Variants in PUS7 observed in about 807,000 individuals in gnomAD.
PUS7 encodes pseudouridine synthase 7.
A neutral mutation model predicts 79.8 loss-of-function variants in PUS7; 48 were observed. The observed-to-expected ratio is 0.60, with a 90% CI of 0.48 to 0.76. PUS7 has a LOEUF of 0.76. PUS7 is among the 30% of genes least tolerant of loss of function. PUS7 has a pLI of 0.00. For synonymous variants in PUS7, 286 were observed against 272.2 expected, an observed-to-expected ratio of 1.05 and a Z score of -0.50; for missense variants, 729 against 797.6, an observed-to-expected ratio of 0.91 and a Z score of 1.04.
intron 5 of PUS7, among the ~76,000 whole-genome samples, chr7:105,497,296 G>C (rs928695104): frequency 2.0e-5 from 3 of 152,150 alleles, no homozygotes; most frequent in South Asian, 4.1e-4. Context: ...GATAGTAAAT[G>C]CTTCCCCAAA....
intron 7 of PUS7, among the ~76,000 whole-genome samples, chr7:105,490,703 A>G (rs1824745969): frequency 6.6e-6 from 1 of 152,156 alleles, no homozygotes. Flanking sequence ...TATGCTTTCC[A>G]ACGTCTTTTC....
rs62486663 is a variant in PUS7, at chr7:105,488,860, C to T, written c.920+2680G>A. Among the ~76,000 whole-genome samples the T allele has an allele frequency of 3.1e-3, 476 of 152,088 alleles. 1 individual carries two copies. The highest frequency in any genetic ancestry group is 5.3e-3 in the Non-Finnish European group (363 of 67,964). ...TACCTAGTTCTTTCTGTGTTGAAAA[C>T]AAAATAGGCAGAGCCCAGTGGCTCA... On this transcript the variant is annotated intron_variant, in intron 7 of 15. Transcript: ENST00000469408.
intron 4 of PUS7, among the ~76,000 whole-genome samples, chr7:105,505,346 T>C (rs1028068207): frequency 1.1e-4 from 17 of 152,186 alleles, no homozygotes; most frequent in Non-Finnish European, 2.1e-4. Flanking sequence ...ACTTAGTAGC[T>C]GAGCTCTCCT....
Position 105,495,182 on chromosome 7 carries a change from C to T in PUS7, c.802G>A (p.Asp268Asn). The T allele has an allele frequency of 3.1e-6, 5 of 1,612,356 alleles. No individual in the cohort carries two copies. The highest frequency in any genetic ancestry group is 4.2e-6 in the Non-Finnish European group (5 of 1,179,012). ...AGTACATTAATAGCATCCATGGTGT[C>T]TTTGTTTTCCTTATATAGTACGAAG... ...CHFVLYKENK[D>N]TMDAINVLSK... The change falls in exon 6 of 16, where the codon GAC becomes AAC. Residue 268 changes from aspartate (D) to asparagine (N), a missense_variant. Asp to Asn is a conservative substitution (Grantham distance 23, BLOSUM62 1). Coordinates refer to ENST00000469408, the MANE Select transcript of PUS7 (RefSeq NM_019042.5).
intron 1 of PUS7, among the ~76,000 whole-genome samples, chr7:105,515,957 G>A (rs898462745): frequency 1.1e-4 from 17 of 151,884 alleles, no homozygotes; most frequent in Non-Finnish European, 1.5e-4. Context: ...TTACAGGCGC[G>A]TGCCACCAAG....
intron 10 of PUS7, 65 bp from the exon 11 acceptor site, chr7:105,470,913 A>G: frequency 6.9e-7 from 1 of 1,455,422 alleles, no homozygotes; most frequent in South Asian, 1.5e-5. Flanking sequence ...AACTTAAAGT[A>G]CACTTCACAG....
chr7:105,510,320 T>A (rs1002842333), intron 1 of PUS7, among the ~76,000 whole-genome samples: 6 of 151,316 alleles, frequency 4.0e-5, no homozygotes, highest in Admixed American at 3.3e-4. Context: ...AATAAATAAA[T>A]AAAATAAAAT....
intron 12 of PUS7, among the ~76,000 whole-genome samples, chr7:105,466,747 A>G (rs1444449547): frequency 2.0e-5 from 3 of 149,896 alleles, no homozygotes; most frequent in Admixed American, 6.7e-5. Context: ...TTTGCTGGGA[A>G]AAAAAAAAAA....
At chr7:105,513,106 G>A (rs1179376199) in intron 1 of PUS7, among the ~76,000 whole-genome samples, 1 of 152,180 alleles carries the variant, frequency 6.6e-6, no homozygotes, top group African/African-American at 2.4e-5. Flanking sequence ...AGACATCCCA[G>A]TGGAGACGAT....
At chr7:105,493,214 C>T (rs1033619820) in intron 6 of PUS7, among the ~76,000 whole-genome samples, 2 of 152,084 alleles carry the variant, frequency 1.3e-5, no homozygotes, top group South Asian at 4.1e-4. Context: ...TGAAAAAAGC[C>T]AAATGAAATG....
intron 7 of PUS7, among the ~76,000 whole-genome samples, chr7:105,484,935 T>G (rs1256408615): frequency 6.9e-6 from 1 of 144,454 alleles, no homozygotes; most frequent in Admixed American, 7.0e-5. Flanking sequence ...TGATCTCAGC[T>G]CACTGCCACC....
At chr7:105,480,638 T>G (rs1454617417) in intron 9 of PUS7, among the ~76,000 whole-genome samples, 1 of 151,816 alleles carries the variant, frequency 6.6e-6, no homozygotes, top group Non-Finnish European at 1.5e-5. Context: ...TAGCCAGTCA[T>G]GGTGGCGCAT....
intron 1 of PUS7, 60 bp from the exon 2 acceptor site, chr7:105,508,604 G>A (rs1302905800): frequency 1.5e-5 from 23 of 1,524,174 alleles, no homozygotes; most frequent in Admixed American, 1.5e-4. Flanking sequence ...CAGGCCGGGC[G>A]CGGTGGCTCA....
chr7:105,498,224 A>T (rs1200512015), intron 5 of PUS7, among the ~76,000 whole-genome samples: 1 of 152,204 alleles, frequency 6.6e-6, no homozygotes, highest in Non-Finnish European at 1.5e-5. Flanking sequence ...AAGCATATGC[A>T]TTGATTAACT....
intron 1 of PUS7, among the ~76,000 whole-genome samples, chr7:105,518,163 A>C (rs1425850895): frequency 2.0e-5 from 3 of 151,474 alleles, no homozygotes; most frequent in African/African-American, 7.3e-5. Context: ...ATAAATAAAA[A>C]TAAGCCGGGC....
At position 105,470,975 on chromosome 7, in the gene PUS7, A is replaced by G. The variant is rs964213244; in HGVS notation, c.1238-127T>C. On this transcript the variant is annotated intron_variant, in intron 10 of 15. Transcript: ENST00000469408. ...TGAAATATAGGTGCTGTTTATAGCT[A>G]CCACTCATCTGAGGAAGCGCAAAGA... 4 of 1,019,716 alleles carry G rather than the reference A, an allele frequency of 3.9e-6. No homozygotes were observed. In the Admixed American group the frequency reaches 1.0e-4, roughly 26 times the overall value. The allele number at this position is 1,019,716 out of a possible 1,614,324, so 63.2% of individuals were successfully genotyped here. A position where few individuals can be genotyped will look rare whatever the true frequency, so the allele number is the denominator to read the frequency against.
At chr7:105,506,094 A>G (rs1367075621) in intron 3 of PUS7, 38 bp from the exon 4 acceptor site, 2 of 1,579,622 alleles carry the variant, frequency 1.3e-6, no homozygotes, top group South Asian at 2.3e-5. Flanking sequence ...TGAATCATAC[A>G]TAGAATTCAA....
chr7:105,518,177 G>T (rs2133301740), intron 1 of PUS7, among the ~76,000 whole-genome samples: 1 of 151,466 alleles, frequency 6.6e-6, no homozygotes, highest in African/African-American at 2.4e-5. Context: ...GCCGGGCAAG[G>T]TGGCATGCAC....
At chr7:105,504,669 G>A (rs1004134983) in intron 4 of PUS7, among the ~76,000 whole-genome samples, 4 of 152,110 alleles carry the variant, frequency 2.6e-5, no homozygotes, top group African/African-American at 9.7e-5. Flanking sequence ...ACATGTATAC[G>A]AAAATACATA....
Sources: allele counts gnomAD v4.1 joint callset (sites outside exome capture counted in the v4.1 genomes callset), GRCh38; gene constraint gnomAD v4.1.1; transcripts MANE v1.5; gene names NCBI Gene and HGNC (gene_info 2026-07-23, HGNC 2026-07-21).